HPSE2: variants seen among roughly 807,000 people sequenced by gnomAD.
The protein encoded by HPSE2 is heparanase 2 (inactive), also known as inactive heparanase-2.
Under a neutral mutation model 60.5 loss-of-function variants are expected in HPSE2, and 38 were observed. That is an observed-to-expected ratio of 0.63 (90% CI 0.48 to 0.82). The LOEUF is 0.82. Among genes scored for constraint, HPSE2 ranks in the 40% least tolerant of loss-of-function variants. The pLI is 0.00. For missense variants in HPSE2, 713 were observed against 740.4 expected, an observed-to-expected ratio of 0.96 and a Z score of 0.43; for synonymous variants, 295 against 293.2, an observed-to-expected ratio of 1.01 and a Z score of -0.06.
chr10:99,137,348 C>T (rs1845698329), intron 3 of HPSE2, among the ~76,000 whole-genome samples: 1 of 152,116 alleles, frequency 6.6e-6, no homozygotes, highest in Admixed American at 6.5e-5. Context: ...TGCTATATCC[C>T]CATCAAGCTA....
chr10:98,547,275 T>C (rs1943713833), intron 9 of HPSE2, among the ~76,000 whole-genome samples: 2 of 130,554 alleles, frequency 1.5e-5, no homozygotes, highest in South Asian at 2.8e-4. Context: ...GAACTAGAAA[T>C]ACCATTTGAC....
chr10:98,532,966 C>T (rs1175039135), intron 9 of HPSE2, among the ~76,000 whole-genome samples: 1 of 152,174 alleles, frequency 6.6e-6, no homozygotes, highest in Non-Finnish European at 1.5e-5. Flanking sequence ...TTAACAGATG[C>T]TCTGGGCTTA....
intron 3 of HPSE2, among the ~76,000 whole-genome samples, chr10:98,754,663 G>A (rs956446555): frequency 2.0e-5 from 3 of 150,380 alleles, no homozygotes; most frequent in Non-Finnish European, 4.4e-5. Flanking sequence ...GGACCTTTCA[G>A]CAGAAACTCT....
At chr10:99,189,098 T>C (rs1848131179) in intron 2 of HPSE2, among the ~76,000 whole-genome samples, 2 of 152,244 alleles carry the variant, frequency 1.3e-5, no homozygotes, top group Non-Finnish European at 2.9e-5. Flanking sequence ...TGGAATGGTA[T>C]ATTTCTAAGA....
At chr10:98,954,091 G>A (rs1207446482) in intron 3 of HPSE2, among the ~76,000 whole-genome samples, 2 of 152,246 alleles carry the variant, frequency 1.3e-5, no homozygotes, top group East Asian at 1.9e-4. Flanking sequence ...GGATCACAAG[G>A]TCAGGAGTTC....
intron 3 of HPSE2, among the ~76,000 whole-genome samples, chr10:98,795,020 G>GAAGGAAGGAAGGAAGA (rs1208584110): frequency 7.9e-5 from 1 of 12,646 alleles, no homozygotes; most frequent in Non-Finnish European, 2.2e-4. Flanking sequence ...GAGAGAGAGA[G>GAAGGAAGGAAGGAAGA]AAGGAAGGAA....
At chr10:98,831,578 T>C (rs893100466) in intron 3 of HPSE2, among the ~76,000 whole-genome samples, 6 of 152,216 alleles carry the variant, frequency 3.9e-5, no homozygotes, top group African/African-American at 1.4e-4. Flanking sequence ...AGCAGCTGCA[T>C]AGCAGCTGGA....
At chr10:98,684,394 A>G (rs972957041) in intron 6 of HPSE2, among the ~76,000 whole-genome samples, 1 of 152,128 alleles carries the variant, frequency 6.6e-6, no homozygotes, top group South Asian at 2.1e-4. Flanking sequence ...TTTAGAATAG[A>G]TTAATAGGAA....
At chr10:98,965,842 C>T (rs917669738) in intron 3 of HPSE2, among the ~76,000 whole-genome samples, 4 of 152,088 alleles carry the variant, frequency 2.6e-5, no homozygotes, top group African/African-American at 9.7e-5. Context: ...CTGCATGGCT[C>T]CTCTTTGTAT....
At chr10:99,172,459 CCTATATTGGA>C (rs1847347888) in intron 2 of HPSE2, among the ~76,000 whole-genome samples, 1 of 151,970 alleles carries the variant, frequency 6.6e-6, no homozygotes, top group Middle Eastern at 3.2e-3. Flanking sequence ...TACAATACGC[CCTATATTGGA>C]CTATATTGGA....
intron 9 of HPSE2, among the ~76,000 whole-genome samples, chr10:98,517,207 G>A (rs918473558): frequency 4.1e-5 from 6 of 145,288 alleles, no homozygotes; most frequent in African/African-American, 1.5e-4. Context: ...GGTGGGGGGG[G>A]CGAGGCGAGG....
intron 3 of HPSE2, among the ~76,000 whole-genome samples, chr10:98,833,629 GAC>G (rs1951730597): frequency 6.6e-6 from 1 of 152,138 alleles, no homozygotes; most frequent in African/African-American, 2.4e-5. Context: ...GGGAAACTGA[GAC>G]ACAGATGTTA....
chr10:99,075,869 A>G (rs1238073218), intron 3 of HPSE2, among the ~76,000 whole-genome samples: 1 of 152,138 alleles, frequency 6.6e-6, no homozygotes, highest in Non-Finnish European at 1.5e-5. Context: ...TACATGGAAT[A>G]TATTTTTCTA....
intron 8 of HPSE2, among the ~76,000 whole-genome samples, chr10:98,618,605 G>T (rs1945985502): frequency 6.6e-6 from 1 of 152,078 alleles, no homozygotes; most frequent in Non-Finnish European, 1.5e-5. Context: ...ATGGGGGAGG[G>T]ACGGAGTCTT....
At chr10:98,572,283 C>T (rs1944519908) in intron 9 of HPSE2, among the ~76,000 whole-genome samples, 1 of 152,098 alleles carries the variant, frequency 6.6e-6, no homozygotes, top group Non-Finnish European at 1.5e-5. Flanking sequence ...CAAAACAAAA[C>T]TTCTTTCTAA....
At chr10:99,128,244 T>C (rs1845239240) in intron 3 of HPSE2, among the ~76,000 whole-genome samples, 3 of 152,158 alleles carry the variant, frequency 2.0e-5, no homozygotes, top group African/African-American at 4.8e-5. Context: ...TGTAAGTTAG[T>C]TCAACCATAG....
At chr10:98,499,197 T>C (rs1324205343) in intron 9 of HPSE2, among the ~76,000 whole-genome samples, 1 of 152,156 alleles carries the variant, frequency 6.6e-6, no homozygotes, top group Admixed American at 6.6e-5. Context: ...AGGCATATTG[T>C]CATCAGGTTA....
At chr10:98,567,932 C>T (rs1258498899) in intron 9 of HPSE2, among the ~76,000 whole-genome samples, 1 of 152,150 alleles carries the variant, frequency 6.6e-6, no homozygotes, top group Non-Finnish European at 1.5e-5. Flanking sequence ...AGTACTGTGG[C>T]CCCACCTCAT....
chr10:99,047,942 A>T lies in HPSE2; in HGVS notation c.610+96296T>A, dbSNP rs1957895324. ...CAGGATCAGAGGTATCGATGGTGTT[A>T]GCCCAAAGGTCCGAAAGATGTTTCC... On this transcript the variant is annotated intron_variant, in intron 3 of 11. Coordinates refer to ENST00000370552, the MANE Select transcript of HPSE2 (RefSeq NM_021828.5). 66 of 747,572 alleles carry T rather than the reference A, an allele frequency of 8.8e-5. 1 individual carries two copies. The highest frequency in any genetic ancestry group is 8.8e-4 in the South Asian group (64 of 72,882). 46.3% of individuals were successfully genotyped at this position (747,572 alleles called of 1,614,324 possible). A position where few individuals can be genotyped will look rare whatever the true frequency, so the allele number is the denominator to read the frequency against.
Sources: gnomAD v4.1 joint callset for allele counts (sites outside exome capture counted in the v4.1 genomes callset) on GRCh38, gnomAD v4.1.1 for gene constraint, MANE v1.5 for transcripts, NCBI Gene and HGNC (gene_info 2026-07-23, HGNC 2026-07-21) for gene names.